NHSL2: variants seen among roughly 807,000 people sequenced by gnomAD.
The protein encoded by NHSL2 is NHS-like protein 2.
Under a neutral mutation model 53.4 loss-of-function variants are expected in NHSL2, and 27 were observed. That is an observed-to-expected ratio of 0.51 (90% CI 0.37 to 0.70). NHSL2 has a LOEUF of 0.70. Ranked by LOEUF, NHSL2 falls within the 30% of genes least tolerant of loss-of-function variation. The pLI, the probability that NHSL2 is intolerant of heterozygous loss-of-function variation, is 0.00. For missense variants in NHSL2, 892 were observed against 980.1 expected (o/e 0.91, Z 1.20); for synonymous variants, 408 against 404.1 (o/e 1.01, Z -0.12).
Position 71,911,275 on chromosome X carries a change from G to T in NHSL2, c.188G>T (p.Arg63Leu). The change falls in exon 1 of 8, where the codon CGC (arginine) becomes CTC (leucine). Residue 63 changes from arginine to leucine, a missense_variant. Coordinates refer to ENST00000633930, the MANE Select transcript of NHSL2 (RefSeq NM_001013627.3). ...DLEGHLLALG[R>L]RTDSLYRRTV... ...GAGGGGCACCTGCTGGCCCTGGGGC[G>T]CCGCACAGACAGCCTGTACCGGCGC... 1.8e-6 allele frequency: 2 copies of T among 1,142,174 alleles called. No individual in the cohort carries two copies. The highest frequency in any genetic ancestry group is 3.9e-5 in the South Asian group (2 of 51,045). 94.1% of individuals were successfully genotyped at this position (1,142,174 alleles called of 1,213,427 possible).
intron 1 of NHSL2, among the ~76,000 whole-genome samples, chrX:71,980,554 G>T (rs1000698419): frequency 1.5e-4 from 2 of 13,701 alleles, no homozygotes; most frequent in Non-Finnish European, 3.6e-4. Flanking sequence ...GTGTGTGTGT[G>T]TGTGGGGTGT....
At position 72,003,216 on chromosome X, in the gene NHSL2, G is replaced by A. The variant is rs1385760153; in HGVS notation, c.280+91849G>A. The stretch of plus-strand genomic sequence containing the variant: ...AAATTTGTCTGGACCTTTGGAGGCA[G>A]AGAGGTGGGTTTGCCATACTTTGGT... On this transcript the variant is annotated intron_variant, in intron 1 of 7. Transcript: ENST00000633930. Among the ~76,000 whole-genome samples, 3 of 111,589 alleles carry A rather than the reference G, an allele frequency of 2.7e-5. No individual in the cohort carries two copies. In the East Asian group the frequency reaches 8.5e-4, roughly 31 times the overall value.
At chrX:72,005,106 G>A (rs747313104) in intron 1 of NHSL2, among the ~76,000 whole-genome samples, 6 of 111,696 alleles carry the variant, frequency 5.4e-5, no homozygotes, top group Non-Finnish European at 1.1e-4. Context: ...TTGGTTATAT[G>A]AATGAATGAG....
intron 1 of NHSL2, among the ~76,000 whole-genome samples, chrX:72,064,044 G>A (rs886978548): frequency 9.0e-6 from 1 of 111,280 alleles, no homozygotes; most frequent in Non-Finnish European, 1.9e-5. Context: ...GAAGTGGAAG[G>A]AAAAGCATTC....
intron 1 of NHSL2, among the ~76,000 whole-genome samples, chrX:72,117,133 C>T (rs1488789745): frequency 9.1e-6 from 1 of 109,595 alleles, no homozygotes; most frequent in Non-Finnish European, 1.9e-5. Context: ...ATGCTACTCT[C>T]AGCCCTATTT....
chrX:72,028,113 G>T lies in NHSL2; in HGVS notation c.281-103966G>T, dbSNP rs1569473362. Among the ~76,000 whole-genome samples the T allele has an allele frequency of 4.4e-5, 5 of 112,543 alleles. No homozygotes were observed. The South Asian group carries it at 1.5e-3, about 33-fold the overall frequency. On this transcript the variant is annotated intron_variant, in intron 1 of 7. Transcript: ENST00000633930. The stretch of plus-strand genomic sequence containing the variant: ...GCCCCAGCCATCTGTGACTCTGGTG[G>T]CATGGAACCACTCAGCTAAGGTGAA...
At chrX:72,062,656 G>A (rs1040067427) in intron 1 of NHSL2, among the ~76,000 whole-genome samples, 21 of 112,300 alleles carry the variant, frequency 1.9e-4, no homozygotes, top group African/African-American at 6.2e-4. Flanking sequence ...TTACAGGCGT[G>A]TGCATTTCCA....
Position 71,964,041 on chromosome X carries a change from A to G in NHSL2, c.280+52674A>G, listed in dbSNP as rs199760534. ...TATATATATGTGTATATATATATATATGTATATATATATATGTGTATATAT... is the reference window on the plus strand; with the variant it reads ...TATATATATGTGTATATATATATATGTGTATATATATATATGTGTATATAT... On this transcript the variant is annotated intron_variant, in intron 1 of 7. Coordinates refer to ENST00000633930, the MANE Select transcript of NHSL2 (RefSeq NM_001013627.3). 4.5e-3 allele frequency among the ~76,000 whole-genome samples: 44 copies of G among 9,827 alleles called. 3 individuals are homozygous for G. Among genetic ancestry groups the G allele is most frequent in the South Asian group, 0.011 (1 of 94 alleles). The allele number at this position is 9,827 out of a possible 115,157, so 8.5% of individuals were successfully genotyped here. A position where few individuals can be genotyped will look rare whatever the true frequency, so the allele number is the denominator to read the frequency against.
chrX:72,044,972 AAAG>A lies in NHSL2; in HGVS notation c.281-87102_281-87100del, dbSNP rs1254327276. ...GGAAATTGTACTTAAAAAAAAAAAA[AAAG>A]AAGAGTGGCCCAAGGTAATTTTCTA... On this transcript the variant is annotated intron_variant, in intron 1 of 7. Transcript: ENST00000633930. 28 of 579,954 alleles carry A rather than the reference AAAG, an allele frequency of 4.8e-5. No individual in the cohort carries two copies. In the African/African-American group the frequency reaches 5.6e-4, roughly 12 times the overall value. 47.8% of individuals were successfully genotyped at this position (579,954 alleles called of 1,213,427 possible).
chrX:72,075,543 G>C (rs1275684701), intron 1 of NHSL2, among the ~76,000 whole-genome samples: 1 of 111,896 alleles, frequency 8.9e-6, no homozygotes, highest in African/African-American at 3.3e-5. Flanking sequence ...AAAATGTTGT[G>C]GGTTTTTCTC....
chrX:71,974,086 G>T (rs2041938083), intron 1 of NHSL2, among the ~76,000 whole-genome samples: 1 of 112,085 alleles, frequency 8.9e-6, no homozygotes, highest in African/African-American at 3.2e-5. Flanking sequence ...TGTGCTCTGA[G>T]GAAAATTTCC....
intron 1 of NHSL2, among the ~76,000 whole-genome samples, chrX:72,029,049 G>A (rs1479923937): frequency 8.9e-6 from 1 of 111,732 alleles, no homozygotes; most frequent in Non-Finnish European, 1.9e-5. Flanking sequence ...GGTCCTTTGG[G>A]TGTGGAAAGC....
chrX:72,124,684 G>T (rs1191342346), intron 1 of NHSL2, among the ~76,000 whole-genome samples: 1 of 111,254 alleles, frequency 9.0e-6, no homozygotes, highest in Non-Finnish European at 1.9e-5. Flanking sequence ...AAACTGCTGG[G>T]GTTCACAGTC....
intron 1 of NHSL2, 52 bp from the exon 2 acceptor site, chrX:72,132,027 G>C: frequency 2.6e-6 from 3 of 1,149,466 alleles, no homozygotes; most frequent in South Asian, 3.9e-5. Context: ...GCCGCCGCGC[G>C]CCGCTCCCCT....
chrX:71,954,954 C>G (rs2041836474), intron 1 of NHSL2, among the ~76,000 whole-genome samples: 1 of 112,409 alleles, frequency 8.9e-6, no homozygotes, highest in Non-Finnish European at 1.9e-5. Context: ...AATATTCAGG[C>G]CCTTGCCTGG....
chrX:72,099,621 A>G (rs2041974815), intron 1 of NHSL2, among the ~76,000 whole-genome samples: 1 of 111,386 alleles, frequency 9.0e-6, no homozygotes, highest in Non-Finnish European at 1.9e-5. Context: ...CACCCACCTC[A>G]GCCTCCCAAA....
At chrX:72,008,335 C>T (rs2042102748) in intron 1 of NHSL2, among the ~76,000 whole-genome samples, 1 of 112,069 alleles carries the variant, frequency 8.9e-6, no homozygotes, top group African/African-American at 3.3e-5. Flanking sequence ...GGACAGGCTG[C>T]GGACAGTGTT....
At chrX:71,945,994 C>A (rs2041790755) in intron 1 of NHSL2, among the ~76,000 whole-genome samples, 1 of 112,275 alleles carries the variant, frequency 8.9e-6, no homozygotes, top group Admixed American at 9.4e-5. Flanking sequence ...ATTGAGCCAC[C>A]TACTCCAAGA....
intron 1 of NHSL2, among the ~76,000 whole-genome samples, chrX:72,028,100 TGTGACTCTGGTGGCA>T (rs1293771443): frequency 8.9e-6 from 1 of 112,516 alleles, no homozygotes; most frequent in Non-Finnish European, 1.9e-5. Flanking sequence ...CCCAGCCATC[TGTGACTCTGGTGGCA>T]TGGAACCACT....
Sources: allele counts gnomAD v4.1 joint callset (sites outside exome capture counted in the v4.1 genomes callset), GRCh38; gene constraint gnomAD v4.1.1; transcripts MANE v1.5; gene names NCBI Gene and HGNC (gene_info 2026-07-23, HGNC 2026-07-21).